R3HDM2: variants seen among roughly 807,000 people sequenced by gnomAD.
R3HDM2 encodes the protein R3H domain containing 2.
A neutral mutation model predicts 124.5 loss-of-function variants in R3HDM2; 38 were observed. That is an observed-to-expected ratio of 0.31 (90% CI 0.24 to 0.40). The LOEUF (loss-of-function observed/expected upper bound fraction) is 0.40. R3HDM2 is among the 10% of genes least tolerant of loss of function. The probability of loss-of-function intolerance (pLI) is 1.00; values close to 1 mark genes in which losing one functional copy is unlikely to be tolerated. For synonymous variants in R3HDM2, 391 were observed against 448.0 expected (o/e 0.87, Z 1.61); for missense variants, 869 against 1,236.9 (o/e 0.70, Z 4.46).
intron 2 of R3HDM2, among the ~76,000 whole-genome samples, chr12:57,313,837 C>T (rs2054448093): frequency 7.7e-6 from 1 of 130,530 alleles, no homozygotes; most frequent in South Asian, 2.5e-4. Context: ...GCTACAACCA[C>T]ACCACTACAC....
At chr12:57,314,208 G>T (rs1473795350) in intron 2 of R3HDM2, among the ~76,000 whole-genome samples, 2 of 141,824 alleles carry the variant, frequency 1.4e-5, no homozygotes, top group African/African-American at 5.3e-5. Flanking sequence ...AATCAGGCAC[G>T]GTAGCTCACG....
At chr12:57,290,603 G>C (rs1206033870) in intron 11 of R3HDM2, among the ~76,000 whole-genome samples, 1 of 152,042 alleles carries the variant, frequency 6.6e-6, no homozygotes, top group East Asian at 1.9e-4. Context: ...ATAAGTGCTT[G>C]CTACTTTTTT....
At chr12:57,384,750 C>G (rs890817244) in intron 2 of R3HDM2, among the ~76,000 whole-genome samples, 1 of 152,106 alleles carries the variant, frequency 6.6e-6, no homozygotes, top group Non-Finnish European at 1.5e-5. Context: ...AAAGGAGTTA[C>G]ATCATCAGAT....
intron 2 of R3HDM2, among the ~76,000 whole-genome samples, chr12:57,386,683 C>T (rs2065883731): frequency 6.6e-6 from 1 of 152,248 alleles, no homozygotes; most frequent in African/African-American, 2.4e-5. Flanking sequence ...CAGGCAGCTC[C>T]ACCTGCAGCC....
At chr12:57,255,432 T>A (rs1483670857) in intron 23 of R3HDM2, among the ~76,000 whole-genome samples, 1 of 152,180 alleles carries the variant, frequency 6.6e-6, no homozygotes, top group Non-Finnish European at 1.5e-5. Context: ...ATGAAGAAAA[T>A]GTGGCTTTTG....
chr12:57,272,464 G>C, intron 14 of R3HDM2: 2 of 1,550,240 alleles, frequency 1.3e-6, no homozygotes, highest in South Asian at 1.2e-5. Flanking sequence ...ATGTTGTACT[G>C]CTGGGGCGGA....
intron 2 of R3HDM2, among the ~76,000 whole-genome samples, chr12:57,351,545 A>T (rs2060679002): frequency 6.6e-6 from 1 of 152,204 alleles, no homozygotes; most frequent in African/African-American, 2.4e-5. Flanking sequence ...TCATTTTAGC[A>T]AGTCTTTCTA....
chr12:57,338,826 A>C (rs1205741742), intron 2 of R3HDM2, among the ~76,000 whole-genome samples: 1 of 151,138 alleles, frequency 6.6e-6, no homozygotes, highest in Non-Finnish European at 1.5e-5. Flanking sequence ...TCAAAGGGAG[A>C]GAGAGAGAGA....
intron 21 of R3HDM2, among the ~76,000 whole-genome samples, 197 bp from the exon 22 acceptor site, chr12:57,256,708 G>A (rs919177621): frequency 2.0e-5 from 3 of 152,078 alleles, no homozygotes; most frequent in Admixed American, 6.5e-5. Flanking sequence ...ACAGATAAAT[G>A]GGACTACTAG....
intron 1 of R3HDM2, chr12:57,418,367 C>T (rs2069854468): frequency 1.0e-6 from 1 of 984,696 alleles, no homozygotes; most frequent in African/African-American, 1.7e-5. Flanking sequence ...TTGCCTTCAG[C>T]AGAGCAACTG....
intron 14 of R3HDM2, among the ~76,000 whole-genome samples, chr12:57,277,260 G>T (rs745760195): frequency 3.9e-5 from 6 of 151,962 alleles, no homozygotes; most frequent in Non-Finnish European, 8.8e-5. Flanking sequence ...GGAGATCCTG[G>T]CCCTTTAATC....
intron 3 of R3HDM2, chr12:57,304,395 G>T: frequency 1.7e-6 from 1 of 586,246 alleles, no homozygotes; most frequent in Non-Finnish European, 2.1e-6. Context: ...TGAGATGTTT[G>T]GAATGGAACT....
rs115941365 is a variant in R3HDM2 at position 57,323,265 on chromosome 12, G to A, written c.-35-12802C>T. ...CTGAAGAGGTAAATGCCTAACAGCC[G>A]TTTGGAGAAGGACAGGAAGGAAGGT... On this transcript the variant is annotated intron_variant, in intron 2 of 23. Coordinates refer to ENST00000402412, the MANE Select transcript of R3HDM2 (RefSeq NM_001394031.1). Among the ~76,000 whole-genome samples the A allele has an allele frequency of 2.2e-4, 33 of 152,248 alleles. 2 individuals are homozygous for A. Among genetic ancestry groups the A allele is most frequent in the African/African-American group, 7.5e-4 (31 of 41,564 alleles).
chr12:57,258,910 T>C lies in R3HDM2; in HGVS notation c.2281A>G (p.Ser761Gly). 1 of 1,605,164 alleles carries C rather than the reference T, an allele frequency of 6.2e-7. No individual in the cohort carries two copies. The highest frequency in any genetic ancestry group is 1.7e-5 in the Admixed American group (1 of 59,038). ...QRGQKPGDLY[S>G]PDSSPQANTQ... Reference sequence around the variant, plus strand: ...CTCACCTGGGGGCTGCTGTCAGGACTGTACAGGTCTCCAGGCTTCTGCCCC... The same window carrying C: ...CTCACCTGGGGGCTGCTGTCAGGACCGTACAGGTCTCCAGGCTTCTGCCCC... Residue 761 changes from serine to glycine, a missense_variant, in exon 20 of 24, where the codon AGT becomes GGT. Physicochemically the swap from Ser to Gly is moderately conservative, Grantham distance 56. This residue lies in a region of R3HDM2 where 602 missense variants were observed against 789.2 expected (regional missense o/e 0.76). Coordinates refer to ENST00000402412, the MANE Select transcript of R3HDM2 (RefSeq NM_001394031.1).
intron 2 of R3HDM2, among the ~76,000 whole-genome samples, chr12:57,384,428 G>C (rs73342201): frequency 0.018 from 2,756 of 151,768 alleles, 61 homozygotes; most frequent in African/African-American, 0.056. Context: ...TTTAACAAGA[G>C]ATCAATCATC....
intron 1 of R3HDM2, chr12:57,418,298 T>C: frequency 1.0e-6 from 1 of 985,386 alleles, no homozygotes; most frequent in African/African-American, 1.7e-5. Context: ...CTCTCCTCTA[T>C]TCTCATTACT....
chr12:57,263,753 A>G (rs1430987113), intron 19 of R3HDM2, among the ~76,000 whole-genome samples: 3 of 152,224 alleles, frequency 2.0e-5, no homozygotes, highest in African/African-American at 7.2e-5. Flanking sequence ...GATTACAGGC[A>G]TGAGACACCA....
intron 14 of R3HDM2, among the ~76,000 whole-genome samples, chr12:57,273,836 C>T (rs549229356): frequency 8.5e-5 from 13 of 152,146 alleles, no homozygotes; most frequent in South Asian, 4.1e-4. Flanking sequence ...GTTTCTTTCA[C>T]AGAAGGGACT....
At chr12:57,364,010 G>GT (rs1054168189) in intron 2 of R3HDM2, among the ~76,000 whole-genome samples, 7 of 151,952 alleles carry the variant, frequency 4.6e-5, no homozygotes, top group East Asian at 3.8e-4. Flanking sequence ...AGGTTGATAG[G>GT]TTTTTTCATC....
Sources: gnomAD v4.1 joint callset for allele counts (sites outside exome capture counted in the v4.1 genomes callset) on GRCh38, gnomAD v4.1.1 for gene constraint, gnomAD v4.1.1 regional missense constraint, MANE v1.5 for transcripts, NCBI Gene and HGNC (gene_info 2026-07-23, HGNC 2026-07-21) for gene names.